Variants in PKNOX2 observed in about 807,000 individuals in gnomAD.
PKNOX2 encodes the protein PBX/knotted 1 homeobox 2.
Under a neutral mutation model 53.1 loss-of-function variants are expected in PKNOX2, and 14 were observed. That is an observed-to-expected ratio of 0.26 (90% CI 0.17 to 0.41). The LOEUF (loss-of-function observed/expected upper bound fraction) is 0.41. Ranked by LOEUF, PKNOX2 falls within the 10% of genes least tolerant of loss-of-function variation. PKNOX2 has a pLI of 1.00. For missense variants in PKNOX2, 496 were observed against 602.8 expected, an observed-to-expected ratio of 0.82 and a Z score of 1.85; for synonymous variants, 257 against 242.8, an observed-to-expected ratio of 1.06 and a Z score of -0.54.
At chr11:125,218,146 C>A (rs149130689) in intron 1 of PKNOX2, among the ~76,000 whole-genome samples, 2 of 152,130 alleles carry the variant, frequency 1.3e-5, no homozygotes, top group African/African-American at 4.8e-5. Flanking sequence ...GAGCTGGATG[C>A]AGGAGGCCTG....
In PKNOX2 at chr11:125,205,194, T is replaced by C. The variant is rs556085197; in HGVS notation, c.-200-29851T>C. On this transcript the variant is annotated intron_variant, in intron 1 of 12. Transcript: ENST00000298282. Reference sequence around the variant, plus strand: ...GTCTGAGTTCTTGGCATTTATTTTGTATCCATTCTGTGTCTATTTTGCTTA... The same window carrying C: ...GTCTGAGTTCTTGGCATTTATTTTGCATCCATTCTGTGTCTATTTTGCTTA... Among the ~76,000 whole-genome samples the C allele has an allele frequency of 5.3e-5, 8 of 152,364 alleles. No individual in the cohort carries two copies. The South Asian group carries it at 1.0e-3, about 20-fold the overall frequency.
intron 2 of PKNOX2, among the ~76,000 whole-genome samples, chr11:125,277,955 G>A (rs1252119826): frequency 1.3e-5 from 2 of 152,098 alleles, no homozygotes; most frequent in Admixed American, 6.5e-5. Flanking sequence ...AGTTGCTCAT[G>A]CCTATAATCA....
intron 5 of PKNOX2, among the ~76,000 whole-genome samples, chr11:125,379,055 C>CTTT (rs35310311): frequency 1.8e-4 from 22 of 124,442 alleles, no homozygotes; most frequent in Admixed American, 3.3e-4. Flanking sequence ...TTTTCTTTCT[C>CTTT]TTTTTTTTTT....
intron 11 of PKNOX2, 109 bp downstream of exon 11, chr11:125,429,197 T>C: frequency 1.9e-5 from 21 of 1,077,042 alleles, no homozygotes; most frequent in Non-Finnish European, 2.9e-5. Context: ...TGCCTCAATC[T>C]CAGCCCAGCT....
At chr11:125,318,871 T>G (rs1949361071) in intron 2 of PKNOX2, among the ~76,000 whole-genome samples, 1 of 152,182 alleles carries the variant, frequency 6.6e-6, no homozygotes, top group Admixed American at 6.5e-5. Flanking sequence ...TATAAGTGTC[T>G]GGCGGTTCCT....
chr11:125,361,686 T>A (rs1344697174), intron 4 of PKNOX2, among the ~76,000 whole-genome samples: 2 of 152,196 alleles, frequency 1.3e-5, no homozygotes, highest in Non-Finnish European at 2.9e-5. Flanking sequence ...ACATTACGTA[T>A]ATCTCCTAAT....
At chr11:125,215,572 C>T (rs368228581) in intron 1 of PKNOX2, among the ~76,000 whole-genome samples, 3 of 151,884 alleles carry the variant, frequency 2.0e-5, no homozygotes, top group East Asian at 1.9e-4. Flanking sequence ...ACCAACACGG[C>T]GAAACCCCAT....
chr11:125,184,138 T>A (rs541915264), intron 1 of PKNOX2: 1 of 152,330 alleles, frequency 6.6e-6, no homozygotes, highest in East Asian at 1.9e-4. Context: ...TACATCACAA[T>A]ACCTGAGGGC....
chr11:125,287,125 G>A (rs1322052432), intron 2 of PKNOX2, among the ~76,000 whole-genome samples: 1 of 152,048 alleles, frequency 6.6e-6, no homozygotes, highest in Non-Finnish European at 1.5e-5. Flanking sequence ...ATCCTCATTG[G>A]GTACATATTT....
At chr11:125,374,790 C>T (rs1322667614) in intron 5 of PKNOX2, among the ~76,000 whole-genome samples, 1 of 152,166 alleles carries the variant, frequency 6.6e-6, no homozygotes, top group Non-Finnish European at 1.5e-5. Flanking sequence ...ATGAGATAAC[C>T]AATGCTAACA....
At position 125,428,917 on chromosome 11, in the gene PKNOX2, T is replaced by C. The variant is rs186756979; in HGVS notation, c.937-95T>C. ...TGGTTCCCAAACCACTCGGGCTGCC[T>C]GGCTCAGGATAGTGCCCATGGCGTG... On this transcript the variant is annotated intron_variant, in intron 10 of 12. Transcript: ENST00000298282. 1.7e-3 allele frequency: 2,291 copies of C among 1,342,228 alleles called. 42 individuals carry two copies. In the African/African-American group the frequency reaches 0.029, roughly 17 times the overall value. The allele number at this position is 1,342,228 out of a possible 1,614,324, so 83.1% of individuals were successfully genotyped here. A position where few individuals can be genotyped will look rare whatever the true frequency, so the allele number is the denominator to read the frequency against.
intron 5 of PKNOX2, among the ~76,000 whole-genome samples, chr11:125,372,315 G>A (rs553970281): frequency 1.4e-3 from 216 of 152,320 alleles, no homozygotes; most frequent in South Asian, 5.0e-3. Context: ...TGAGGCTCTC[G>A]CTGCCTCAAA....
At chr11:125,425,710 C>T (rs549358419) in intron 10 of PKNOX2, among the ~76,000 whole-genome samples, 60 of 152,352 alleles carry the variant, frequency 3.9e-4, no homozygotes, top group Non-Finnish European at 6.3e-4. Context: ...CTAAAAGTAG[C>T]GCTGACCCAA....
At chr11:125,237,743 G>A (rs544606683) in intron 2 of PKNOX2, among the ~76,000 whole-genome samples, 42 of 152,244 alleles carry the variant, frequency 2.8e-4, no homozygotes, top group Non-Finnish European at 5.6e-4. Context: ...CAGAAACTTC[G>A]ACCTCAGGGT....
rs117855379 is a variant in PKNOX2 at position 125,353,713 on chromosome 11, A to G, written c.87+2321A>G. 5.3e-5 allele frequency among the ~76,000 whole-genome samples: 8 copies of G among 152,354 alleles called. No individual in the cohort carries two copies. In the East Asian group the frequency reaches 1.5e-3, roughly 29 times the overall value. The stretch of plus-strand genomic sequence containing the variant: ...ATTTGCCCTGGGGAAGCTGCCATCT[A>G]TTTGTAACCCTGGCAATCCATGAGT... On this transcript the variant is annotated intron_variant, in intron 4 of 12. Transcript: ENST00000298282.
rs985388339 is a variant in PKNOX2, at chr11:125,165,957, G to A, written c.-201+1181G>A. Among the ~76,000 whole-genome samples the A allele has an allele frequency of 6.6e-6, 1 of 152,208 alleles. No homozygotes were observed. Among genetic ancestry groups the A allele is most frequent in the Non-Finnish European group, 1.5e-5 (1 of 68,036 alleles). On this transcript the variant is annotated intron_variant, in intron 1 of 12. Coordinates refer to ENST00000298282, the MANE Select transcript of PKNOX2 (RefSeq NM_001382323.2). The surrounding 1 kb of genome is among the most constrained non-coding windows in gnomAD (Gnocchi z 4.5). ...GCGAAATGGGCCGTCCTTTCCCGGG[G>A]CTCTTCACGGGGGAGCCGGGGGTTT... is the stretch of plus-strand genomic sequence containing the variant.
intron 1 of PKNOX2, among the ~76,000 whole-genome samples, chr11:125,200,239 G>A (rs943049871): frequency 2.6e-5 from 4 of 152,180 alleles, no homozygotes; most frequent in South Asian, 2.1e-4. Context: ...AAGAAATAAG[G>A]CAAAGGGATG....
In PKNOX2 at chr11:125,221,664, A is replaced by G. The variant is rs376197497; in HGVS notation, c.-200-13381A>G. On this transcript the variant is annotated intron_variant, in intron 1 of 12. Coordinates refer to ENST00000298282, the MANE Select transcript of PKNOX2 (RefSeq NM_001382323.2). ...TAGCTTGTTATTATGGGCTGCATAT[A>G]TTTATTATGCTTCACTGAGCAACAC... Among the ~76,000 whole-genome samples, 8 of 152,302 alleles carry G rather than the reference A, an allele frequency of 5.3e-5. No homozygotes were observed. The East Asian group carries it at 7.7e-4, about 15-fold the overall frequency.
intron 3 of PKNOX2, among the ~76,000 whole-genome samples, chr11:125,343,767 G>A (rs930315617): frequency 5.9e-5 from 9 of 151,952 alleles, no homozygotes; most frequent in Non-Finnish European, 1.0e-4. Context: ...GTGGAGAGGC[G>A]GGAGCAAGAC....
Sources: allele counts gnomAD v4.1 joint callset (sites outside exome capture counted in the v4.1 genomes callset), GRCh38; gene constraint gnomAD v4.1.1; non-coding constraint Gnocchi (gnomAD v3.1); transcripts MANE v1.5; gene names NCBI Gene and HGNC (gene_info 2026-07-23, HGNC 2026-07-21).